Variants in NOL4 observed in about 807,000 individuals in gnomAD.
NOL4 encodes nucleolar protein 4, also known as cancer/testis antigen 125.
A neutral mutation model predicts 75.9 loss-of-function variants in NOL4; 17 were observed. That is an observed-to-expected ratio of 0.22 (90% CI 0.15 to 0.34). The LOEUF is 0.34. NOL4 is among the 10% of genes least tolerant of loss of function. The probability of loss-of-function intolerance (pLI) is 1.00; values close to 1 mark genes in which losing one functional copy is unlikely to be tolerated. For missense variants in NOL4, 614 were observed against 793.5 expected, an observed-to-expected ratio of 0.77 and a Z score of 2.72; for synonymous variants, 292 against 289.9, an observed-to-expected ratio of 1.01 and a Z score of -0.07.
chr18:34,063,071 A>AT (rs2077131143), intron 5 of NOL4, among the ~76,000 whole-genome samples: 1 of 152,046 alleles, frequency 6.6e-6, no homozygotes, highest in Non-Finnish European at 1.5e-5. Flanking sequence ...TACCTTTGAT[A>AT]TTTTTTACAT....
chr18:34,131,416 A>C (rs1312266580), intron 1 of NOL4, among the ~76,000 whole-genome samples: 4 of 152,086 alleles, frequency 2.6e-5, no homozygotes, highest in African/African-American at 9.7e-5. Flanking sequence ...AAGAGCTAAA[A>C]ACACAATTTC....
chr18:33,887,161 T>A (rs1169193293), intron 9 of NOL4, among the ~76,000 whole-genome samples: 1 of 144,982 alleles, frequency 6.9e-6, no homozygotes, highest in Non-Finnish European at 1.5e-5. Flanking sequence ...TATATGTGTA[T>A]ATATATATAG....
chr18:34,140,134 G>A (rs1035306385), intron 1 of NOL4, among the ~76,000 whole-genome samples: 5 of 152,182 alleles, frequency 3.3e-5, no homozygotes, highest in Non-Finnish European at 5.9e-5. Context: ...GTGATGTGGT[G>A]CTGAGAAGAA....
intron 5 of NOL4, among the ~76,000 whole-genome samples, chr18:34,020,145 T>G (rs2074954858): frequency 6.6e-6 from 1 of 152,122 alleles, no homozygotes; most frequent in Non-Finnish European, 1.5e-5. Flanking sequence ...TTTTTCTTTA[T>G]AAATTACCCA....
intron 6 of NOL4, among the ~76,000 whole-genome samples, chr18:33,994,399 A>G (rs938104436): frequency 3.3e-5 from 5 of 151,978 alleles, no homozygotes; most frequent in African/African-American, 1.2e-4. Flanking sequence ...AGGTTAGACA[A>G]TATTCTAGGA....
intron 9 of NOL4, among the ~76,000 whole-genome samples, chr18:33,932,777 T>A (rs1423745914): frequency 2.0e-5 from 3 of 152,072 alleles, no homozygotes; most frequent in Non-Finnish European, 2.9e-5. Context: ...AGCAATTCTG[T>A]GACCTGGAGA....
At chr18:33,869,001 A>AC (rs772769953) in intron 10 of NOL4, among the ~76,000 whole-genome samples, 13 of 151,946 alleles carry the variant, frequency 8.6e-5, no homozygotes, top group Non-Finnish European at 1.3e-4. Flanking sequence ...TTAAAGTACA[A>AC]CATTAAAAAA....
chr18:33,893,119 G>A (rs1243962978), intron 9 of NOL4, among the ~76,000 whole-genome samples: 1 of 152,014 alleles, frequency 6.6e-6, no homozygotes, highest in Non-Finnish European at 1.5e-5. Flanking sequence ...ATCTATAAGA[G>A]ATTAAAGAAA....
At chr18:33,907,734 G>A (rs2066150764) in intron 9 of NOL4, among the ~76,000 whole-genome samples, 1 of 152,082 alleles carries the variant, frequency 6.6e-6, no homozygotes, top group Admixed American at 6.6e-5. Context: ...TATTTTATCT[G>A]CAATTTAATC....
At chr18:34,077,236 T>C (rs1245239429) in intron 5 of NOL4, among the ~76,000 whole-genome samples, 1 of 151,920 alleles carries the variant, frequency 6.6e-6, no homozygotes, top group Non-Finnish European at 1.5e-5. Flanking sequence ...TGAACCCCAG[T>C]GGTTGAGGCT....
intron 1 of NOL4, among the ~76,000 whole-genome samples, chr18:34,209,763 T>C (rs1010459128): frequency 3.3e-5 from 5 of 152,222 alleles, no homozygotes; most frequent in Non-Finnish European, 4.4e-5. Context: ...CCGTGAATTC[T>C]CTCTGGTCAA....
chr18:34,013,338 T>C (rs911565409), intron 6 of NOL4, among the ~76,000 whole-genome samples: 1 of 151,886 alleles, frequency 6.6e-6, no homozygotes, highest in Non-Finnish European at 1.5e-5. Context: ...GCAAGTCTTA[T>C]TCTCTGTTAG....
intron 1 of NOL4, among the ~76,000 whole-genome samples, chr18:34,175,542 G>T (rs998274874): frequency 6.6e-5 from 10 of 152,136 alleles, no homozygotes; most frequent in African/African-American, 1.9e-4. Flanking sequence ...AAAAATCTAA[G>T]ACTGGGCTAA....
chr18:33,996,963 A>G (rs2073333804), intron 6 of NOL4, among the ~76,000 whole-genome samples: 1 of 151,488 alleles, frequency 6.6e-6, no homozygotes, highest in Admixed American at 6.6e-5. Context: ...TGGTAGTTCA[A>G]CTCTTAGTTT....
Position 34,104,148 on chromosome 18 carries a change from G to A in NOL4, c.538C>T (p.Pro180Ser), listed in dbSNP as rs536880190. The stretch of plus-strand genomic sequence containing the variant: ...ATCATGCTGGTCACCAAAGTGGGAG[G>A]TTTTCCATTATCTGTAATAAAACAT... ...DGTDHKDNGK[P>S]PTLVTSMIDY... Residue 180 changes from proline (P) to serine (S), a missense_variant, in exon 4 of 11, where the codon CCT becomes TCT. Coordinates refer to ENST00000261592, the MANE Select transcript of NOL4 (RefSeq NM_003787.5). 8 of 1,607,816 alleles carry A rather than the reference G, an allele frequency of 5.0e-6. No individual in the cohort carries two copies. The highest frequency in any genetic ancestry group is 6.8e-6 in the Non-Finnish European group (8 of 1,175,014).
At chr18:34,041,841 T>C (rs17816756) in intron 5 of NOL4, among the ~76,000 whole-genome samples, 26,182 of 151,860 alleles carry the variant, frequency 0.17, 2,797 homozygotes, top group East Asian at 0.42. Context: ...CATATTGTAA[T>C]GTTGATTATT....
intron 5 of NOL4, among the ~76,000 whole-genome samples, chr18:34,074,155 G>T (rs1204520825): frequency 6.6e-6 from 1 of 151,568 alleles, no homozygotes; most frequent in Non-Finnish European, 1.5e-5. Context: ...CATATTTTTG[G>T]AATATTTTGG....
rs956883407 is a variant in NOL4 at position 33,944,619 on chromosome 18, T to C, written c.1429-1441A>G. ...TTACACTACTTTGACAATAAAGCAGTTGGATATTTGGAATGTCATTTTTGC... is the reference window on the plus strand; with the variant it reads ...TTACACTACTTTGACAATAAAGCAGCTGGATATTTGGAATGTCATTTTTGC... On this transcript the variant is annotated intron_variant, in intron 8 of 10. Transcript: ENST00000261592. Among the ~76,000 whole-genome samples, 9 of 151,702 alleles carry C rather than the reference T, an allele frequency of 5.9e-5. No homozygotes were observed. In the East Asian group the frequency reaches 1.7e-3, roughly 29 times the overall value.
At chr18:34,123,225 T>C (rs578091380) in intron 2 of NOL4, among the ~76,000 whole-genome samples, 7 of 151,770 alleles carry the variant, frequency 4.6e-5, no homozygotes, top group African/African-American at 7.2e-5. Context: ...CTATATGAGA[T>C]ATATAATTCA....
Sources: allele counts gnomAD v4.1 joint callset (sites outside exome capture counted in the v4.1 genomes callset), GRCh38; gene constraint gnomAD v4.1.1; transcripts MANE v1.5; gene names NCBI Gene and HGNC (gene_info 2026-07-23, HGNC 2026-07-21).